Variants in CMSS1 observed in about 807,000 individuals in gnomAD.
CMSS1 encodes the protein protein CMSS1.
CMSS1 carries 33 observed loss-of-function variants against 43.5 expected under a neutral mutation model. That is an observed-to-expected ratio of 0.76 (90% CI 0.57 to 1.01). The LOEUF is 1.01. CMSS1 is among the 50% of genes least tolerant of loss of function. The pLI, the probability that CMSS1 is intolerant of heterozygous loss-of-function variation, is 0.00. For missense variants in CMSS1, 313 were observed against 326.4 expected (o/e 0.96, Z 0.32); for synonymous variants, 115 against 117.2 (o/e 0.98, Z 0.12).
intron 1 of CMSS1, among the ~76,000 whole-genome samples, chr3:99,934,712 A>G (rs2107667806): frequency 6.6e-6 from 1 of 152,254 alleles, no homozygotes; most frequent in East Asian, 1.9e-4. Context: ...CTCTGTATAC[A>G]TTCTAGCTTC....
intron 8 of CMSS1, 57 bp downstream of exon 8, chr3:100,172,460 A>C (rs1576121871): frequency 7.7e-7 from 1 of 1,301,570 alleles, no homozygotes; most frequent in Non-Finnish European, 1.1e-6. Flanking sequence ...CCTTACCTAC[A>C]TGTGAGTCTC....
intron 1 of CMSS1, among the ~76,000 whole-genome samples, chr3:100,084,856 A>G (rs1298500749): frequency 6.6e-6 from 1 of 152,184 alleles, no homozygotes; most frequent in Non-Finnish European, 1.5e-5. Flanking sequence ...TAAAATACCT[A>G]TCCCCAATCA....
At chr3:99,876,135 A>C (rs1051015971) in intron 1 of CMSS1, 9 of 986,160 alleles carry the variant, frequency 9.1e-6, no homozygotes, top group Middle Eastern at 1.0e-3. Flanking sequence ...CCGCGCTGCG[A>C]GCCGACTGTG....
chr3:99,870,079 T>C (rs1944715128), intron 1 of CMSS1, among the ~76,000 whole-genome samples: 1 of 152,230 alleles, frequency 6.6e-6, no homozygotes, highest in Admixed American at 6.5e-5. Flanking sequence ...ATTTTTATAT[T>C]GTCTCTTCTC....
Position 99,910,716 on chromosome 3 carries a change from C to A in CMSS1, c.64+92673C>A, listed in dbSNP as rs1224375517. On this transcript the variant is annotated intron_variant, in intron 1 of 9. Coordinates refer to ENST00000421999, the MANE Select transcript of CMSS1 (RefSeq NM_032359.4). ...CCCTTTGGCCTATAGATCTCAAATT[C>A]TTTGCCCAAATAGTTACCCATACTC... 4.7e-5 allele frequency among the ~76,000 whole-genome samples: 4 copies of A among 85,384 alleles called. 2 individuals are homozygous for A. The highest frequency in any genetic ancestry group is 5.7e-4 in the East Asian group (2 of 3,486). The allele number at this position is 85,384 out of a possible 152,430, so 56.0% of individuals were successfully genotyped here.
At chr3:99,849,352 C>G (rs746318060) in intron 1 of CMSS1, 1 of 1,614,070 alleles carries the variant, frequency 6.2e-7, no homozygotes, top group South Asian at 1.1e-5. Flanking sequence ...ACTGAAATGC[C>G]GGTACCTCTC....
chr3:99,908,595 A>G (rs1298853412), intron 1 of CMSS1, among the ~76,000 whole-genome samples: 1 of 152,188 alleles, frequency 6.6e-6, no homozygotes, highest in Non-Finnish European at 1.5e-5. Flanking sequence ...CTCTCCAGTT[A>G]CTAGCAGTGT....
At chr3:99,988,511 CAA>C (rs757175318) in intron 1 of CMSS1, among the ~76,000 whole-genome samples, 2 of 47,890 alleles carry the variant, frequency 4.2e-5, no homozygotes, top group Admixed American at 2.9e-4. Flanking sequence ...GACTCCATCT[CAA>C]AAAAAAAAAA....
At chr3:99,973,571 A>C (rs908962638) in intron 1 of CMSS1, among the ~76,000 whole-genome samples, 1 of 152,216 alleles carries the variant, frequency 6.6e-6, no homozygotes, top group African/African-American at 2.4e-5. Context: ...ATTTCATGAA[A>C]GTTATCAACA....
chr3:100,075,157 G>A (rs949363023), intron 1 of CMSS1, among the ~76,000 whole-genome samples: 3 of 152,152 alleles, frequency 2.0e-5, no homozygotes, highest in African/African-American at 7.2e-5. Flanking sequence ...GATTACATTA[G>A]ATAGAGATCG....
chr3:100,005,236 TTTTC>T (rs1359376204), intron 1 of CMSS1, among the ~76,000 whole-genome samples: 2 of 152,242 alleles, frequency 1.3e-5, no homozygotes, highest in Non-Finnish European at 2.9e-5. Context: ...TTGGTGATAA[TTTTC>T]TTTTTCTCAG....
chr3:99,879,833 C>G (rs1705661522), intron 1 of CMSS1, among the ~76,000 whole-genome samples: 2 of 152,112 alleles, frequency 1.3e-5, no homozygotes, highest in South Asian at 4.1e-4. Flanking sequence ...TCTTATGGAC[C>G]TGGTCCTGTA....
rs149158827 is a variant in CMSS1 at position 99,825,641 on chromosome 3, T to C, written c.64+7598T>C. 2.2e-3 allele frequency among the ~76,000 whole-genome samples: 335 copies of C among 152,306 alleles called. 3 individuals are homozygous for C. The highest frequency in any genetic ancestry group is 7.9e-3 in the African/African-American group (330 of 41,568). On this transcript the variant is annotated intron_variant, in intron 1 of 9. Transcript: ENST00000421999. The stretch of plus-strand genomic sequence containing the variant: ...CAGGTAGTTCCTGCTATAATTTTGC[T>C]AAATGTCCATGAATCTCTTGAAAAA...
intron 1 of CMSS1, chr3:100,141,617 TC>T (rs1293165911): frequency 2.2e-6 from 1 of 451,744 alleles, no homozygotes; most frequent in Admixed American, 2.4e-5. Flanking sequence ...CAGATACTTA[TC>T]AAAAAGAAGA....
At chr3:100,122,663 G>A (rs965272903) in intron 1 of CMSS1, among the ~76,000 whole-genome samples, 3 of 152,170 alleles carry the variant, frequency 2.0e-5, no homozygotes, top group African/African-American at 7.2e-5. Flanking sequence ...AAATTAGAAG[G>A]ACTAACCCCT....
intron 1 of CMSS1, chr3:99,850,679 G>A: frequency 6.2e-7 from 1 of 1,614,036 alleles, no homozygotes; most frequent in South Asian, 1.1e-5. Flanking sequence ...TCATCAATCT[G>A]CCGGCTGAGT....
At chr3:99,938,877 A>T (rs1707772893) in intron 1 of CMSS1, among the ~76,000 whole-genome samples, 1 of 152,194 alleles carries the variant, frequency 6.6e-6, no homozygotes, top group African/African-American at 2.4e-5. Flanking sequence ...CCCACATTTG[A>T]AGACACTAAA....
chr3:100,120,353 G>C (rs920725604), intron 1 of CMSS1, among the ~76,000 whole-genome samples: 1 of 152,224 alleles, frequency 6.6e-6, no homozygotes, highest in African/African-American at 2.4e-5. Context: ...TCTCTGAAAT[G>C]TAGAGTAAAA....
chr3:99,825,775 C>CTTTTTTTTTTTTTTTTTTTTTTTAT, intron 1 of CMSS1, among the ~76,000 whole-genome samples: 1 of 121,614 alleles, frequency 8.2e-6, no homozygotes, highest in Non-Finnish European at 1.7e-5. Flanking sequence ...TTTTCTTTTT[C>CTTTTTTTTTTTTTTTTTTTTTTTAT]TTTTTTTTTT....
Sources: gnomAD v4.1 joint callset for allele counts (sites outside exome capture counted in the v4.1 genomes callset) on GRCh38, gnomAD v4.1.1 for gene constraint, MANE v1.5 for transcripts, NCBI Gene and HGNC (gene_info 2026-07-23, HGNC 2026-07-21) for gene names.